UNC13A: variants seen among roughly 807,000 people sequenced by gnomAD.
UNC13A encodes protein unc-13 homolog A.
A neutral mutation model predicts 219.7 loss-of-function variants in UNC13A; 61 were observed. The observed-to-expected ratio is 0.28, with a 90% confidence interval of 0.23 to 0.34. The LOEUF is 0.34. UNC13A is among the 10% of genes least tolerant of loss of function. The probability of loss-of-function intolerance (pLI) is 1.00; values close to 1 mark genes in which losing one functional copy is unlikely to be tolerated. For missense variants in UNC13A, 1,476 were observed against 2,270.3 expected (o/e 0.65, Z 7.11); for synonymous variants, 920 against 884.6 (o/e 1.04, Z -0.71).
intron 7 of UNC13A, among the ~76,000 whole-genome samples, chr19:17,665,262 G>A (rs1300045077): frequency 6.6e-6 from 1 of 151,918 alleles, no homozygotes; most frequent in Non-Finnish European, 1.5e-5. Flanking sequence ...AGGCTAAAGA[G>A]TGCAGTGGGG....
Position 17,641,583 on chromosome 19 carries a change from T to C in UNC13A, c.2473-27A>G, listed in dbSNP as rs116169349. 3.6e-3 allele frequency: 5,841 copies of C among 1,612,576 alleles called. 86 individuals are homozygous for C. In the African/African-American group the frequency reaches 0.037, roughly 10 times the overall value. Reference sequence around the variant, plus strand: ...TGCCACCATGGGAGAGAAAGTGTCATGGAGAGTGCAAGGGGTCGCCGGGGG... The same window carrying C: ...TGCCACCATGGGAGAGAAAGTGTCACGGAGAGTGCAAGGGGTCGCCGGGGG... On this transcript the variant is annotated intron_variant, in intron 20 of 43. Transcript: ENST00000519716.
chr19:17,627,229 G>A lies in UNC13A; in HGVS notation c.3920+280C>T, dbSNP rs140918705. 2.6e-5 allele frequency among the ~76,000 whole-genome samples: 4 copies of A among 151,744 alleles called. No homozygotes were observed. Among genetic ancestry groups the A allele is most frequent in the East Asian group, 3.9e-4 (2 of 5,166 alleles). ...AGGCAAAGGGATAAGACATTTGCCC[G>A]CATTGTTCATTTCATTCTCAAAATC... On this transcript the variant is annotated intron_variant, in intron 33 of 43. Coordinates refer to ENST00000519716, the MANE Select transcript of UNC13A (RefSeq NM_001080421.3). This position sits in a 1 kb window ranked among gnomAD's most constrained non-coding sequence, Gnocchi z 4.7.
intron 1 of UNC13A, among the ~76,000 whole-genome samples, chr19:17,685,135 A>C (rs1428206368): frequency 2.6e-5 from 4 of 152,058 alleles, no homozygotes; most frequent in Non-Finnish European, 5.9e-5. Flanking sequence ...TATGTGCTTC[A>C]TGGGGTTGGG....
chr19:17,663,431 C>T (rs1217223684), intron 8 of UNC13A, 101 bp downstream of exon 8: 8 of 1,372,808 alleles, frequency 5.8e-6, no homozygotes, highest in Non-Finnish European at 8.2e-6. Flanking sequence ...TCGTCACAGG[C>T]TCCTTGCTTC....
At chr19:17,626,597 C>T (rs542366563) in intron 34 of UNC13A, 36 bp downstream of exon 34, 2 of 1,510,470 alleles carry the variant, frequency 1.3e-6, no homozygotes, top group East Asian at 5.0e-5. Flanking sequence ...GCCCCAGCCC[C>T]TCCCCGGCCA....
rs905425419 is a variant in UNC13A at position 17,641,340 on chromosome 19, T to C, written c.2636+53A>G. ...ATCCCTCCCACCCCAGACCTGCCAG[T>C]GCCCACTTGGTGACCTCCCTCTTGT... On this transcript the variant is annotated intron_variant, in intron 21 of 43. Transcript: ENST00000519716. The C allele has an allele frequency of 3.8e-6, 6 of 1,594,162 alleles. No homozygotes were observed. In the Admixed American group the frequency reaches 8.4e-5, roughly 22 times the overall value.
In UNC13A at chr19:17,627,987, C is replaced by T; in HGVS notation, c.3754-47G>A. The T allele has an allele frequency of 6.5e-7, 1 of 1,538,792 alleles. No individual in the cohort carries two copies. The highest frequency in any genetic ancestry group is 8.8e-7 in the Non-Finnish European group (1 of 1,130,188). ...GGAGTCAAGCCTCAGGACCTCTCCCCAGAGCCTCCCCTACCCACCGCCAGG... is the reference window on the plus strand; with the variant it reads ...GGAGTCAAGCCTCAGGACCTCTCCCTAGAGCCTCCCCTACCCACCGCCAGG... On this transcript the variant is annotated intron_variant, in intron 31 of 43. Coordinates refer to ENST00000519716, the MANE Select transcript of UNC13A (RefSeq NM_001080421.3). This position sits in a 1 kb window ranked among gnomAD's most constrained non-coding sequence, Gnocchi z 4.7.
At chr19:17,648,284 A>G in intron 16 of UNC13A, 147 bp downstream of exon 16, 1 of 505,714 alleles carries the variant, frequency 2.0e-6, no homozygotes, top group Non-Finnish European at 2.8e-6. Context: ...CCTTTCAGCG[A>G]GTCCCTCCCC....
Position 17,648,907 on chromosome 19 carries a change from C to T in UNC13A, c.1596+5G>A. The T allele has an allele frequency of 6.3e-7, 1 of 1,589,678 alleles. No individual in the cohort carries two copies. The highest frequency in any genetic ancestry group is 8.6e-7 in the Non-Finnish European group (1 of 1,168,786). On this transcript the variant is annotated splice_donor_5th_base_variant and intron_variant, in intron 15 of 43. Coordinates refer to ENST00000519716, the MANE Select transcript of UNC13A (RefSeq NM_001080421.3). ...GACCCGGGGAAAAAGAGGTGCCCCA[C>T]GCACCAGCTCCTCGTTGTTCAACGT...
At chr19:17,678,416 T>C (rs769340282) in intron 1 of UNC13A, among the ~76,000 whole-genome samples, 1 of 152,004 alleles carries the variant, frequency 6.6e-6, no homozygotes, top group Non-Finnish European at 1.5e-5. Flanking sequence ...AAGGCAGAGG[T>C]TGCAGTGAGC....
chr19:17,611,658 T>C (rs564900672), intron 42 of UNC13A, 105 bp downstream of exon 42: 3 of 1,053,594 alleles, frequency 2.8e-6, no homozygotes, highest in East Asian at 2.4e-5. Context: ...TTCCGTTTCA[T>C]GGACCATTAA....
intron 41 of UNC13A, among the ~76,000 whole-genome samples, chr19:17,613,474 G>GT (rs2076626006): frequency 6.6e-6 from 1 of 151,946 alleles, no homozygotes; most frequent in African/African-American, 2.4e-5. Flanking sequence ...AATCAAAGTG[G>GT]TTTTTGTGAC....
At chr19:17,622,489 T>C (rs2076738840) in intron 36 of UNC13A, 2 of 152,724 alleles carry the variant, frequency 1.3e-5, no homozygotes, top group African/African-American at 4.8e-5. Flanking sequence ...TGGTTGGGTA[T>C]GCTGCCACCA....
Position 17,633,051 on chromosome 19 carries a change from C to T in UNC13A, c.3301+57G>A, listed in dbSNP as rs1163244042. 7 of 1,609,566 alleles carry T rather than the reference C, an allele frequency of 4.3e-6. No individual in the cohort carries two copies. In the Admixed American group the frequency reaches 6.7e-5, roughly 15 times the overall value. On this transcript the variant is annotated intron_variant, in intron 27 of 43. Coordinates refer to ENST00000519716, the MANE Select transcript of UNC13A (RefSeq NM_001080421.3). The stretch of plus-strand genomic sequence containing the variant: ...GGTGCTCACAGCCTTGGAGGGGACA[C>T]AGAGGTACAGCCACCTGGTGTGGCC...
In UNC13A at chr19:17,627,965, G is replaced by A. The variant is rs2076801340; in HGVS notation, c.3754-25C>T. The A allele has an allele frequency of 1.3e-6, 2 of 1,572,102 alleles. No individual in the cohort carries two copies. The highest frequency in any genetic ancestry group is 2.7e-5 in the African/African-American group (2 of 74,258). On this transcript the variant is annotated intron_variant, in intron 31 of 43. Coordinates refer to ENST00000519716, the MANE Select transcript of UNC13A (RefSeq NM_001080421.3). This position sits in a 1 kb window ranked among gnomAD's most constrained non-coding sequence, Gnocchi z 4.7. ...GCTGTGGGTGGGAACAGAGAGGGGA[G>A]TCAAGCCTCAGGACCTCTCCCCAGA... is the stretch of plus-strand genomic sequence containing the variant.
intron 4 of UNC13A, among the ~76,000 whole-genome samples, chr19:17,672,012 G>A (rs1167826682): frequency 1.3e-5 from 2 of 152,086 alleles, no homozygotes; most frequent in African/African-American, 2.4e-5. Flanking sequence ...TCCAGCCTAG[G>A]ACTACATTTC....
chr19:17,687,766 C>T (rs1227272752), intron 1 of UNC13A, among the ~76,000 whole-genome samples: 3 of 152,148 alleles, frequency 2.0e-5, no homozygotes, highest in African/African-American at 7.2e-5. Flanking sequence ...ACCCGTAACC[C>T]AGCCCACAAC....
intron 36 of UNC13A, among the ~76,000 whole-genome samples, chr19:17,622,106 A>AAGATAC (rs1348310872): frequency 6.6e-6 from 1 of 152,058 alleles, no homozygotes. Context: ...AAGAGAGAGA[A>AAGATAC]AGATACAGAT....
rs1174167422 is a variant in UNC13A at position 17,618,466 on chromosome 19, G to A, written c.4365C>T (p.Thr1455=). ...ACTCAACAACCGCGCACTGCTTTGG[G>A]GTCAAGCTCTTGGCTTCTTCTCGTA... ...HMVREEAKSL[T]PKQCAVVELA... The change falls in exon 40 of 44, where the codon ACC becomes ACT. Residue 1455 remains threonine (T), a synonymous_variant. Transcript: ENST00000519716. 3.8e-6 allele frequency: 6 copies of A among 1,593,782 alleles called. No individual in the cohort carries two copies. Among genetic ancestry groups the A allele is most frequent in the Non-Finnish European group, 5.1e-6 (6 of 1,170,016 alleles).
Sources: allele counts gnomAD v4.1 joint callset (sites outside exome capture counted in the v4.1 genomes callset), GRCh38; gene constraint gnomAD v4.1.1; non-coding constraint Gnocchi (gnomAD v3.1); transcripts MANE v1.5; gene names NCBI Gene and HGNC (gene_info 2026-07-23, HGNC 2026-07-21).